AKAP6: variants seen among roughly 807,000 people sequenced by gnomAD.
The protein encoded by AKAP6 is A-kinase anchor protein 6.
AKAP6 carries 58 observed loss-of-function variants against 188.5 expected under a neutral mutation model. That is an observed-to-expected ratio of 0.31 (90% CI 0.25 to 0.38). AKAP6 has a LOEUF of 0.38. Among genes scored for constraint, AKAP6 ranks in the 10% least tolerant of loss-of-function variants. The pLI is 1.00. For synonymous variants in AKAP6, 989 were observed against 998.6 expected (o/e 0.99, Z 0.18); for missense variants, 2,710 against 2,740.0 (o/e 0.99, Z 0.24).
At chr14:32,510,425 C>CGTATATATATGTGTGT (rs1402746506) in intron 2 of AKAP6, among the ~76,000 whole-genome samples, 4 of 51,622 alleles carry the variant, frequency 7.7e-5, no homozygotes, top group African/African-American at 3.2e-4. Flanking sequence ...TATATATATA[C>CGTATATATATGTGTGT]ATATATATAT....
At chr14:32,564,128 A>G (rs1238783658) in intron 4 of AKAP6, among the ~76,000 whole-genome samples, 2 of 152,132 alleles carry the variant, frequency 1.3e-5, no homozygotes, top group African/African-American at 2.4e-5. Flanking sequence ...AATATAATGT[A>G]AATGCTATGT....
At chr14:32,819,852 G>A (rs924341101) in intron 12 of AKAP6, among the ~76,000 whole-genome samples, 1 of 152,086 alleles carries the variant, frequency 6.6e-6, no homozygotes, top group African/African-American at 2.4e-5. Flanking sequence ...GGAGGCTAAG[G>A]CGGAAGGATT....
At chr14:32,686,393 G>A (rs1246374300) in intron 8 of AKAP6, among the ~76,000 whole-genome samples, 1 of 152,008 alleles carries the variant, frequency 6.6e-6, no homozygotes, top group South Asian at 2.1e-4. Flanking sequence ...CAACAGGGGG[G>A]CTATAGTCAA....
At position 32,599,538 on chromosome 14, in the gene AKAP6, C is replaced by T. The variant is rs140130566; in HGVS notation, c.2566+32C>T. On this transcript the variant is annotated intron_variant, in intron 6 of 13. Coordinates refer to ENST00000280979, the MANE Select transcript of AKAP6 (RefSeq NM_004274.5). ...CCTCCTGAAATATTGCAAGTCTTTA[C>T]GTCTCCAGACTATTAAGAATGAAGA... 2.1e-4 allele frequency: 317 copies of T among 1,530,770 alleles called. 2 individuals carry two copies. The East Asian group carries it at 5.5e-3, about 26-fold the overall frequency. The allele number at this position is 1,530,770 out of a possible 1,614,324, so 94.8% of individuals were successfully genotyped here. A position where few individuals can be genotyped will look rare whatever the true frequency, so the allele number is the denominator to read the frequency against.
chr14:32,749,404 C>T (rs374163095), intron 11 of AKAP6, among the ~76,000 whole-genome samples: 3 of 152,120 alleles, frequency 2.0e-5, no homozygotes, highest in African/African-American at 7.2e-5. Flanking sequence ...TTTCCCTCAT[C>T]GAAAATGATA....
At chr14:32,659,024 A>G (rs1888572826) in intron 7 of AKAP6, among the ~76,000 whole-genome samples, 1 of 152,084 alleles carries the variant, frequency 6.6e-6, no homozygotes, top group Admixed American at 6.6e-5. Context: ...ACTTACAAAG[A>G]CAAGCACATT....
chr14:32,646,169 G>T (rs1333474460), intron 7 of AKAP6, among the ~76,000 whole-genome samples: 1 of 151,992 alleles, frequency 6.6e-6, no homozygotes, highest in Non-Finnish European at 1.5e-5. Flanking sequence ...GCTAAGTTTG[G>T]ACATTGGAGC....
chr14:32,763,866 T>C (rs775079191), intron 11 of AKAP6, among the ~76,000 whole-genome samples: 2 of 152,226 alleles, frequency 1.3e-5, no homozygotes, highest in Non-Finnish European at 2.9e-5. Flanking sequence ...CTATATTTTC[T>C]TTAAAATATG....
chr14:32,774,411 G>A (rs2032991686), intron 12 of AKAP6, among the ~76,000 whole-genome samples: 1 of 152,170 alleles, frequency 6.6e-6, no homozygotes, highest in South Asian at 2.1e-4. Flanking sequence ...TAATCTCCTA[G>A]TGTTCCTGCT....
chr14:32,404,291 A>C (rs1372864853), intron 1 of AKAP6, among the ~76,000 whole-genome samples: 1 of 152,120 alleles, frequency 6.6e-6, no homozygotes. Context: ...CTTTAAAATG[A>C]TGAAAGGTTT....
intron 8 of AKAP6, among the ~76,000 whole-genome samples, chr14:32,682,316 G>A (rs760329289): frequency 7.2e-5 from 11 of 152,194 alleles, no homozygotes; most frequent in Non-Finnish European, 1.2e-4. Flanking sequence ...GCATGAAGCC[G>A]ATACTGATCT....
chr14:32,775,469 A>G (rs977295123), intron 12 of AKAP6, among the ~76,000 whole-genome samples: 7 of 145,060 alleles, frequency 4.8e-5, no homozygotes, highest in African/African-American at 1.0e-4. Flanking sequence ...GTCTTTCTCT[A>G]TCTCCCAGAC....
rs1441894460 is a variant in AKAP6, at chr14:32,511,395, C to T, written c.325-24159C>T. Among the ~76,000 whole-genome samples the T allele has an allele frequency of 2.4e-4, 32 of 134,054 alleles. No individual in the cohort carries two copies. In the South Asian group the frequency reaches 3.3e-3, roughly 14 times the overall value. 87.9% of individuals were successfully genotyped at this position (134,054 alleles called of 152,430 possible). On this transcript the variant is annotated intron_variant, in intron 2 of 13. Coordinates refer to ENST00000280979, the MANE Select transcript of AKAP6 (RefSeq NM_004274.5). ...TGGTTTTTTTTTTTTTTTTTTGAGA[C>T]GGAGTCTCACTCTGTGGTCCAGGCT...
intron 7 of AKAP6, among the ~76,000 whole-genome samples, chr14:32,652,088 T>C (rs1405801453): frequency 2.0e-5 from 3 of 152,162 alleles, no homozygotes; most frequent in Non-Finnish European, 4.4e-5. Flanking sequence ...CCACTTTGCA[T>C]GCTATGGTTC....
chr14:32,670,410 A>G (rs1024851849), intron 7 of AKAP6, among the ~76,000 whole-genome samples: 1 of 152,158 alleles, frequency 6.6e-6, no homozygotes. Context: ...AGAAGAAGGA[A>G]GCATTCTGGA....
chr14:32,497,856 T>G (rs978549751), intron 2 of AKAP6, among the ~76,000 whole-genome samples: 2 of 152,126 alleles, frequency 1.3e-5, no homozygotes, highest in African/African-American at 4.8e-5. Flanking sequence ...GTTGTGCTCC[T>G]TGATGAACTC....
intron 2 of AKAP6, among the ~76,000 whole-genome samples, chr14:32,465,371 G>A (rs1188420935): frequency 1.5e-5 from 1 of 65,844 alleles, no homozygotes; most frequent in African/African-American, 2.8e-4. Flanking sequence ...AAACAGCGTG[G>A]TACTGGTACC....
At chr14:32,494,160 A>G (rs2138957532) in intron 2 of AKAP6, 1 of 152,250 alleles carries the variant, frequency 6.6e-6, no homozygotes, top group Middle Eastern at 3.4e-3. Context: ...CATTCTTTCT[A>G]CAAGTAGTTC....
chr14:32,737,532 C>G (rs185383290), intron 11 of AKAP6, among the ~76,000 whole-genome samples: 3 of 152,162 alleles, frequency 2.0e-5, no homozygotes, highest in African/African-American at 7.2e-5. Context: ...CAGGTACACT[C>G]TGCCTTTCTA....
Sources: gnomAD v4.1 joint callset for allele counts (sites outside exome capture counted in the v4.1 genomes callset) on GRCh38, gnomAD v4.1.1 for gene constraint, MANE v1.5 for transcripts, NCBI Gene and HGNC (gene_info 2026-07-23, HGNC 2026-07-21) for gene names.